Variants in MAD1L1 observed in about 807,000 individuals in gnomAD.
The protein encoded by MAD1L1 is mitotic spindle assembly checkpoint protein MAD1.
MAD1L1 carries 95 observed loss-of-function variants against 96.9 expected under a neutral mutation model. That is an observed-to-expected ratio of 0.98 (90% CI 0.83 to 1.16). MAD1L1 has a LOEUF of 1.16. Ranked by LOEUF, MAD1L1 falls within the 50% of genes most tolerant of loss-of-function variation. MAD1L1 has a pLI of 0.00. For synonymous variants in MAD1L1, 473 were observed against 396.6 expected (o/e 1.19, Z -2.29); for missense variants, 1,007 against 954.4 (o/e 1.06, Z -0.73).
intron 12 of MAD1L1, among the ~76,000 whole-genome samples, chr7:2,017,877 A>C (rs1782614983): frequency 6.6e-6 from 1 of 152,084 alleles, no homozygotes; most frequent in Non-Finnish European, 1.5e-5. Context: ...AATAGGGCCC[A>C]GTGCCCTTGG....
intron 9 of MAD1L1, 70 bp downstream of exon 9, chr7:2,215,812 GACC>G: frequency 7.2e-6 from 10 of 1,395,732 alleles, no homozygotes; most frequent in Non-Finnish European, 1.0e-5. Flanking sequence ...TGGTGGGCGT[GACC>G]ACAATACCGA....
intron 12 of MAD1L1, among the ~76,000 whole-genome samples, chr7:2,067,291 ACCCGGGGTCATCAGGC>A (rs1784921359): frequency 6.6e-6 from 1 of 151,282 alleles, no homozygotes. Context: ...GTTCGCAGGC[ACCCGGGGTCATCAGGC>A]CTGAGCCCAA....
In MAD1L1 at chr7:2,232,398, G is replaced by A. The variant is rs561945660; in HGVS notation, c.-190+474C>T. Reference sequence around the variant, plus strand: ...CCCCGAGGGGAAACCGGGCCCACACGCCCCCTTCCTGAGAGCGGACCGGCG... The same window carrying A: ...CCCCGAGGGGAAACCGGGCCCACACACCCCCTTCCTGAGAGCGGACCGGCG... On this transcript the variant is annotated intron_variant, in intron 1 of 18. Coordinates refer to ENST00000265854, the MANE Select transcript of MAD1L1 (RefSeq NM_001013836.2). 2.8e-3 allele frequency among the ~76,000 whole-genome samples: 420 copies of A among 152,320 alleles called. 3 individuals carry two copies. The highest frequency in any genetic ancestry group is 5.0e-3 in the Non-Finnish European group (342 of 68,026).
chr7:2,085,017 G>A (rs189587193), intron 11 of MAD1L1, among the ~76,000 whole-genome samples: 58 of 152,252 alleles, frequency 3.8e-4, no homozygotes, highest in African/African-American at 1.3e-3. Flanking sequence ...CTTTACAGAC[G>A]AGATGGCCCA....
intron 12 of MAD1L1, among the ~76,000 whole-genome samples, chr7:2,040,422 G>A (rs1030330615): frequency 5.3e-5 from 8 of 152,134 alleles, no homozygotes; most frequent in Admixed American, 4.6e-4. Context: ...CATCGGTGTC[G>A]GGAACTTTGC....
intron 15 of MAD1L1, among the ~76,000 whole-genome samples, chr7:1,961,678 T>C (rs1015229263): frequency 4.6e-5 from 7 of 152,198 alleles, no homozygotes; most frequent in Non-Finnish European, 2.9e-5. Context: ...CCTGATAGGG[T>C]TTGGCTGTGT....
intron 12 of MAD1L1, among the ~76,000 whole-genome samples, chr7:2,064,531 C>G (rs886969386): frequency 2.0e-5 from 3 of 152,256 alleles, no homozygotes; most frequent in Admixed American, 2.0e-4. Flanking sequence ...GCAGCTTCTC[C>G]GAAGAGGACA....
intron 18 of MAD1L1, among the ~76,000 whole-genome samples, chr7:1,831,681 TAAG>T (rs1782710484): frequency 1.3e-5 from 2 of 152,166 alleles, no homozygotes; most frequent in Non-Finnish European, 2.9e-5. Context: ...ACATGAATGA[TAAG>T]AAAGCAGAAC....
At chr7:2,093,942 T>C (rs1489580569) in intron 11 of MAD1L1, among the ~76,000 whole-genome samples, 1 of 152,092 alleles carries the variant, frequency 6.6e-6, no homozygotes, top group Non-Finnish European at 1.5e-5. Flanking sequence ...CCCGAACTCA[T>C]GACAGCAAGG....
intron 18 of MAD1L1, among the ~76,000 whole-genome samples, chr7:1,827,727 C>CGTCCCGGG (rs1782496006): frequency 1.9e-5 from 2 of 103,336 alleles, no homozygotes; most frequent in African/African-American, 6.5e-5. Context: ...CTCCTGAGCC[C>CGTCCCGGG]TGCGTGGCTG....
chr7:2,122,176 G>A (rs1414815230), intron 11 of MAD1L1, among the ~76,000 whole-genome samples: 1 of 152,208 alleles, frequency 6.6e-6, no homozygotes, highest in Non-Finnish European at 1.5e-5. Flanking sequence ...TGGCCACCCC[G>A]CATGTGGCCA....
At chr7:2,117,995 C>A (rs1353148771) in intron 11 of MAD1L1, among the ~76,000 whole-genome samples, 2 of 152,206 alleles carry the variant, frequency 1.3e-5, no homozygotes, top group Non-Finnish European at 2.9e-5. Context: ...AGTACACCCC[C>A]AAATGTTCCC....
At chr7:2,086,154 G>A (rs1335643909) in intron 11 of MAD1L1, among the ~76,000 whole-genome samples, 1 of 152,204 alleles carries the variant, frequency 6.6e-6, no homozygotes, top group Non-Finnish European at 1.5e-5. Flanking sequence ...AAGCAACTGA[G>A]CTCCTAAGGA....
chr7:2,140,414 A>C (rs1355306093), intron 11 of MAD1L1, among the ~76,000 whole-genome samples: 1 of 152,250 alleles, frequency 6.6e-6, no homozygotes, highest in Non-Finnish European at 1.5e-5. Context: ...ACCAGGGCCG[A>C]ATGGCCCTCC....
intron 14 of MAD1L1, among the ~76,000 whole-genome samples, chr7:1,994,481 T>TGAGG (rs1325761986): frequency 6.6e-6 from 1 of 152,148 alleles, no homozygotes; most frequent in African/African-American, 2.4e-5. Flanking sequence ...CATCGGGCAC[T>TGAGG]GAGGGACCAG....
At chr7:2,182,343 A>C (rs1330286072) in intron 10 of MAD1L1, among the ~76,000 whole-genome samples, 1 of 151,998 alleles carries the variant, frequency 6.6e-6, no homozygotes, top group Non-Finnish European at 1.5e-5. Flanking sequence ...AAGACATCAT[A>C]ATAAGGGTTA....
intron 10 of MAD1L1, among the ~76,000 whole-genome samples, chr7:2,155,642 T>TGGTAATAC (rs1789795079): frequency 6.6e-6 from 1 of 152,224 alleles, no homozygotes; most frequent in Admixed American, 6.5e-5. Context: ...CAGACTCTCC[T>TGGTAATAC]TCCTTTTGAA....
intron 18 of MAD1L1, among the ~76,000 whole-genome samples, chr7:1,886,478 G>C (rs540194414): frequency 6.6e-6 from 1 of 152,244 alleles, no homozygotes; most frequent in Non-Finnish European, 1.5e-5. Context: ...CGATTCATGA[G>C]TCGACACCTC....
chr7:2,003,724 G>T lies in MAD1L1; in HGVS notation c.1360-1603C>A, dbSNP rs148315680. Among the ~76,000 whole-genome samples the T allele has an allele frequency of 6.3e-3, 963 of 152,256 alleles. 2 individuals are homozygous for T. Among genetic ancestry groups the T allele is most frequent in the Non-Finnish European group, 9.6e-3 (655 of 67,994 alleles). On this transcript the variant is annotated intron_variant, in intron 13 of 18. Coordinates refer to ENST00000265854, the MANE Select transcript of MAD1L1 (RefSeq NM_001013836.2). Reference sequence around the variant, plus strand: ...TTGAGCTCTGCCCATGACCAGCCCCGCCTGCTGCCCTCACACTGCCCTGGG... The same window carrying T: ...TTGAGCTCTGCCCATGACCAGCCCCTCCTGCTGCCCTCACACTGCCCTGGG...
Sources: gnomAD v4.1 joint callset for allele counts (sites outside exome capture counted in the v4.1 genomes callset) on GRCh38, gnomAD v4.1.1 for gene constraint, MANE v1.5 for transcripts, NCBI Gene and HGNC (gene_info 2026-07-23, HGNC 2026-07-21) for gene names.